Variants in FRMPD4 observed in about 807,000 individuals in gnomAD.
The protein encoded by FRMPD4 is FERM and PDZ domain containing 4.
Under a neutral mutation model 94.1 loss-of-function variants are expected in FRMPD4, and 22 were observed. The observed-to-expected ratio is 0.23, with a 90% confidence interval of 0.17 to 0.33. The LOEUF (loss-of-function observed/expected upper bound fraction) is 0.33. Ranked by LOEUF, FRMPD4 falls within the 10% of genes least tolerant of loss-of-function variation. FRMPD4 has a pLI of 1.00. For synonymous variants in FRMPD4, 631 were observed against 548.6 expected (o/e 1.15, Z -2.10); for missense variants, 1,111 against 1,339.9 (o/e 0.83, Z 2.67).
At chrX:12,004,620 G>T (rs1176037532) in intron 3 of FRMPD4, among the ~76,000 whole-genome samples, 1 of 111,077 alleles carries the variant, frequency 9.0e-6, no homozygotes, top group Non-Finnish European at 1.9e-5. Flanking sequence ...CTTTGTGGTT[G>T]TGTTTTCTGT....
intron 3 of FRMPD4, among the ~76,000 whole-genome samples, chrX:12,084,177 TGG>T (rs370234603): frequency 1.3e-4 from 7 of 53,874 alleles, no homozygotes; most frequent in African/African-American, 3.0e-4. Flanking sequence ...AGGGACCCAG[TGG>T]GGGGGGGGGT....
intron 3 of FRMPD4, among the ~76,000 whole-genome samples, chrX:11,975,932 A>G (rs1381742889): frequency 2.7e-5 from 3 of 112,471 alleles, no homozygotes; most frequent in African/African-American, 9.7e-5. Flanking sequence ...GGATGGGTAT[A>G]GATTAGTATC....
At chrX:12,016,759 G>A (rs941943860) in intron 3 of FRMPD4, among the ~76,000 whole-genome samples, 3 of 111,968 alleles carry the variant, frequency 2.7e-5, no homozygotes, top group African/African-American at 6.5e-5. Context: ...GTTAGAGAAC[G>A]CCTCTCTCTC....
At chrX:12,118,528 C>T (rs1216565347) in intron 3 of FRMPD4, among the ~76,000 whole-genome samples, 1 of 111,983 alleles carries the variant, frequency 8.9e-6, no homozygotes, top group Non-Finnish European at 1.9e-5. Context: ...AGAAAGGCCT[C>T]CTGTGTGTGT....
intron 1 of FRMPD4, among the ~76,000 whole-genome samples, chrX:11,861,477 G>T (rs2053686565): frequency 9.0e-6 from 1 of 111,418 alleles, no homozygotes; most frequent in African/African-American, 3.3e-5. Flanking sequence ...AATAAAGAAG[G>T]TCATTTAGCT....
At chrX:12,258,811 G>T (rs2054150330) in intron 1 of FRMPD4, among the ~76,000 whole-genome samples, 1 of 111,028 alleles carries the variant, frequency 9.0e-6, no homozygotes, top group South Asian at 3.8e-4. Context: ...TTTTCTTTTT[G>T]CAGGGAACAT....
At chrX:11,884,086 A>G (rs1289898520) in intron 3 of FRMPD4, among the ~76,000 whole-genome samples, 1 of 111,433 alleles carries the variant, frequency 9.0e-6, no homozygotes, top group Non-Finnish European at 1.9e-5. Context: ...GAGGTAGGGT[A>G]CAGGCTCCAT....
upstream of FRMPD4, among the ~76,000 whole-genome samples, chrX:12,134,043 C>T (rs191859372): frequency 2.5e-4 from 28 of 112,058 alleles, no homozygotes; most frequent in Non-Finnish European, 4.1e-4. Context: ...ATACAATCAT[C>T]GTTCCTGCCT....
chrX:12,443,539 C>T (rs780248551), intron 1 of FRMPD4, among the ~76,000 whole-genome samples: 15 of 111,653 alleles, frequency 1.3e-4, no homozygotes, highest in East Asian at 5.6e-4. Flanking sequence ...ATGGTACTGG[C>T]GGCCACCATA....
chrX:12,134,265 T>A (rs1218097423), upstream of FRMPD4, among the ~76,000 whole-genome samples: 1 of 112,437 alleles, frequency 8.9e-6, no homozygotes, highest in Non-Finnish European at 1.9e-5. Context: ...CATTGCTATC[T>A]GCTATTTTCT....
At chrX:12,155,183 A>C (rs2055914866) in intron 1 of FRMPD4, among the ~76,000 whole-genome samples, 1 of 112,075 alleles carries the variant, frequency 8.9e-6, no homozygotes, top group Non-Finnish European at 1.9e-5. Flanking sequence ...TGAGAAAGTA[A>C]TCAACCTGCT....
At chrX:12,405,478 G>C (rs2056657103) in intron 1 of FRMPD4, among the ~76,000 whole-genome samples, 1 of 110,873 alleles carries the variant, frequency 9.0e-6, no homozygotes, top group African/African-American at 3.3e-5. Flanking sequence ...TCACATCATG[G>C]GGAATGTGGT....
intron 5 of FRMPD4, among the ~76,000 whole-genome samples, chrX:12,681,553 A>G (rs1370945143): frequency 9.0e-6 from 1 of 111,397 alleles, no homozygotes; most frequent in Non-Finnish European, 1.9e-5. Flanking sequence ...GCATAAATGG[A>G]TGAATTCAAG....
chrX:11,954,177 C>G (rs1465971428), intron 3 of FRMPD4, among the ~76,000 whole-genome samples: 1 of 112,599 alleles, frequency 8.9e-6, no homozygotes, highest in African/African-American at 3.2e-5. Context: ...ATGGAATTTG[C>G]TTTATTAGAT....
intron 2 of FRMPD4, among the ~76,000 whole-genome samples, chrX:12,544,100 G>A (rs772340537): frequency 9.9e-6 from 1 of 100,729 alleles, no homozygotes; most frequent in African/African-American, 3.6e-5. Context: ...GTAGGGGGAG[G>A]GGGGAGGGAT....
At chrX:11,905,316 T>C in intron 3 of FRMPD4, among the ~76,000 whole-genome samples, 1 of 111,741 alleles carries the variant, frequency 8.9e-6, no homozygotes, top group Non-Finnish European at 1.9e-5. Context: ...ACCATGAAGT[T>C]ACAAACCTAA....
chrX:12,568,442 T>C (rs929850064), intron 2 of FRMPD4, among the ~76,000 whole-genome samples: 2 of 112,644 alleles, frequency 1.8e-5, no homozygotes, highest in African/African-American at 3.2e-5. Flanking sequence ...GCTTGCTTTA[T>C]TTTTGCTTTG....
intron 1 of FRMPD4, among the ~76,000 whole-genome samples, chrX:12,244,345 C>A (rs1334349449): frequency 9.0e-6 from 1 of 111,432 alleles, no homozygotes; most frequent in Non-Finnish European, 1.9e-5. Context: ...ACATATGCCC[C>A]TTCAGACTTG....
At chrX:12,113,625 G>C (rs768686340) in intron 3 of FRMPD4, among the ~76,000 whole-genome samples, 1 of 111,802 alleles carries the variant, frequency 8.9e-6, no homozygotes, top group Admixed American at 9.5e-5. Flanking sequence ...ATTAAATTGA[G>C]TCCCTCTCCG....
Sources: allele counts gnomAD v4.1 joint callset (sites outside exome capture counted in the v4.1 genomes callset), GRCh38; gene constraint gnomAD v4.1.1; transcripts MANE v1.5; gene names NCBI Gene and HGNC (gene_info 2026-07-23, HGNC 2026-07-21).